The following STAT2 variants were observed in gnomAD, a reference collection of about 807,000 sequenced individuals.
STAT2 encodes signal transducer and activator of transcription 2, also known as interferon alpha induced transcriptional activator.
In STAT2, 51 loss-of-function variants were observed where a neutral mutation model predicts 122.3. That is an observed-to-expected ratio of 0.42 (90% CI 0.33 to 0.53). The LOEUF is 0.53. STAT2 is among the 20% of genes least tolerant of loss of function. The pLI is 0.10. For missense variants in STAT2, 736 were observed against 1,010.3 expected, an observed-to-expected ratio of 0.73 and a Z score of 3.68; for synonymous variants, 351 against 394.9, an observed-to-expected ratio of 0.89 and a Z score of 1.32.
chr12:56,354,016 A>AAAAAAAATATAT (rs71081350), intron 8 of STAT2, among the ~76,000 whole-genome samples: 5 of 16,678 alleles, frequency 3.0e-4, no homozygotes, highest in African/African-American at 3.3e-4. Flanking sequence ...AAAAAAAAAA[A>AAAAAAAATATAT]ATATATATAT....
chr12:56,359,803 A>T (rs11575223), intron 1 of STAT2, among the ~76,000 whole-genome samples: 1 of 152,234 alleles, frequency 6.6e-6, no homozygotes, highest in Non-Finnish European at 1.5e-5. Context: ...AACGTCAGAT[A>T]CCGAACCAAC....
chr12:56,345,512 A>ATATATATATATATAT (rs1216741920), intron 22 of STAT2, among the ~76,000 whole-genome samples: 13 of 28,038 alleles, frequency 4.6e-4, no homozygotes, highest in Non-Finnish European at 7.4e-4. Context: ...AAAAAAAAAA[A>ATATATATATATATAT]AAAAAAAAAA....
Position 56,355,482 on chromosome 12 carries a change from C to T in STAT2, c.432G>A (p.Glu144=). The T allele has an allele frequency of 4.3e-6, 7 of 1,614,170 alleles. No homozygotes were observed. Among genetic ancestry groups the T allele is most frequent in the Non-Finnish European group, 5.9e-6 (7 of 1,180,028 alleles). Residue 144 remains glutamate (E), a synonymous_variant, in exon 5 of 24, where the codon GAG becomes GAA. Transcript: ENST00000314128. ...LETPVESQQH[E]IESRILDLRA... ...TTAAATCCAGGATCCGGGATTCAATCTCATGTTGCTGGCTCTCCACAGGTG... is the reference window on the plus strand; with the variant it reads ...TTAAATCCAGGATCCGGGATTCAATTTCATGTTGCTGGCTCTCCACAGGTG...
At chr12:56,354,026 TATATATATATATATAA>T (rs1471511296) in intron 8 of STAT2, among the ~76,000 whole-genome samples, 2 of 57,242 alleles carry the variant, frequency 3.5e-5, no homozygotes, top group Non-Finnish European at 7.0e-5. Context: ...AATATATATA[TATATATATATATATAA>T]AAAATACTGT....
At chr12:56,351,513 C>G in intron 8 of STAT2, 63 bp from the exon 9 acceptor site, 1 of 1,549,538 alleles carries the variant, frequency 6.5e-7, no homozygotes. Flanking sequence ...ATCCAGGTTC[C>G]AAGATCTCTC....
At position 56,343,535 on chromosome 12, in the gene STAT2, G is replaced by A. The variant is rs536003567; in HGVS notation, c.2414-4C>T. The A allele has an allele frequency of 5.2e-5, 84 of 1,612,716 alleles. 1 individual carries two copies. In the South Asian group the frequency reaches 8.6e-4, roughly 16 times the overall value. On this transcript the variant is annotated splice_polypyrimidine_tract_variant and splice_region_variant and intron_variant, in intron 23 of 23. Coordinates refer to ENST00000314128, the MANE Select transcript of STAT2 (RefSeq NM_005419.4). ...ATCTTTACACAGTTTCTGAAGACTA[G>A]GTAATCCAGAGAGAAAAGTGAGGCC...
intron 16 of STAT2, 51 bp downstream of exon 16, chr12:56,349,112 G>A: frequency 1.2e-6 from 2 of 1,613,896 alleles, no homozygotes; most frequent in Non-Finnish European, 1.7e-6. Context: ...ATCACACCAA[G>A]CTTCCACACC....
At position 56,355,758 on chromosome 12, in the gene STAT2, G is replaced by T; in HGVS notation, c.331C>A (p.Leu111Ile). ...PTQLAEMIFN[L>I]LLEEKRILIQ... The stretch of plus-strand genomic sequence containing the variant: ...AAAATTCTTTTTTCTTCCAGAAGGA[G>T]GTTAAAGATCATCTCAGCCAACTGG... Residue 111 changes from leucine to isoleucine, a missense_variant, in exon 4 of 24, where the codon CTC becomes ATC. Leu to Ile is a conservative substitution (Grantham distance 5). Coordinates refer to ENST00000314128, the MANE Select transcript of STAT2 (RefSeq NM_005419.4). The T allele has an allele frequency of 1.9e-6, 3 of 1,614,120 alleles. No individual in the cohort carries two copies. Among genetic ancestry groups the T allele is most frequent in the Non-Finnish European group, 1.7e-6 (2 of 1,180,036 alleles).
At position 56,342,019 on chromosome 12, in the gene STAT2, G is replaced by A. The variant is rs1876659406; in HGVS notation, c.*1370C>T. On this transcript the variant is annotated 3_prime_UTR_variant, in exon 24 of 24. Transcript: ENST00000314128. ...ATACTATAAAAAAGAAATTCCTGCT[G>A]GGAACAGTGGCTCACGCCTGTAATC... The A allele has an allele frequency of 6.6e-6, 1 of 152,252 alleles. No individual in the cohort carries two copies. Among genetic ancestry groups the A allele is most frequent in the African/African-American group, 2.4e-5 (1 of 41,434 alleles). The allele number at this position is 152,252 out of a possible 1,614,324, so 9.4% of individuals were successfully genotyped here.
At chr12:56,354,116 A>T (rs1879129651) in intron 8 of STAT2, among the ~76,000 whole-genome samples, 1 of 141,350 alleles carries the variant, frequency 7.1e-6, no homozygotes, top group Non-Finnish European at 1.5e-5. Flanking sequence ...ATTTTTGTTT[A>T]ATAAGCTAGG....
chr12:56,348,787 C>T lies in STAT2; in HGVS notation c.1594G>A (p.Glu532Lys). 6.2e-7 allele frequency: 1 copy of T among 1,614,176 alleles called. No homozygotes were observed. The highest frequency in any genetic ancestry group is 8.5e-7 in the Non-Finnish European group (1 of 1,180,028). The change falls in exon 18 of 24, where the codon GAG (glutamate) becomes AAG (lysine). Residue 532 changes from glutamate to lysine, a missense_variant. Coordinates refer to ENST00000314128, the MANE Select transcript of STAT2 (RefSeq NM_005419.4). ...TCAGCCCAGGACAATAATGGATCCTCAGTCCTACAGTTCTGCCCTGTGGGA... is the reference window on the plus strand; with the variant it reads ...TCAGCCCAGGACAATAATGGATCCTTAGTCCTACAGTTCTGCCCTGTGGGA... ...NKLFGQNCRT[E>K]DPLLSWADFT...
Position 56,349,520 on chromosome 12 carries a change from C to G in STAT2, c.1258-11G>C. Reference sequence around the variant, plus strand: ...CACACCTAGTGGCCCCTGGGACAGCCAAAGACATAGTCATCAGAAGGCTCT... The same window carrying G: ...CACACCTAGTGGCCCCTGGGACAGCGAAAGACATAGTCATCAGAAGGCTCT... On this transcript the variant is annotated splice_polypyrimidine_tract_variant and intron_variant, in intron 14 of 23. Coordinates refer to ENST00000314128, the MANE Select transcript of STAT2 (RefSeq NM_005419.4). 1.2e-6 allele frequency: 2 copies of G among 1,614,186 alleles called. No homozygotes were observed. The highest frequency in any genetic ancestry group is 1.7e-6 in the Non-Finnish European group (2 of 1,180,028).
intron 20 of STAT2, 80 bp from the exon 21 acceptor site, chr12:56,346,704 C>G: frequency 6.2e-7 from 1 of 1,601,664 alleles, no homozygotes; most frequent in South Asian, 1.1e-5. Context: ...TGCCCAGTCC[C>G]AAACCAGCTG....
In STAT2 at chr12:56,349,042, G is replaced by A; in HGVS notation, c.1458C>T (p.Ser486=). ...AGCTCCAGGGGGCCTTGGGGGGGTT[G>A]GAGAAGAACTGCTGGTTCTGCAGGG... The part of the protein sequence containing the change: ...SPNLQNQQFF[S]NPPKAPWSLL... The change falls in exon 17 of 24, where the codon TCC becomes TCT. Residue 486 remains serine, a synonymous_variant. Transcript: ENST00000314128. 1 of 1,613,474 alleles carries A rather than the reference G, an allele frequency of 6.2e-7. No individual in the cohort carries two copies. The highest frequency in any genetic ancestry group is 8.5e-7 in the Non-Finnish European group (1 of 1,179,660).
At chr12:56,359,245 T>C (rs1182245404) in intron 1 of STAT2, among the ~76,000 whole-genome samples, 2 of 152,162 alleles carry the variant, frequency 1.3e-5, no homozygotes, top group East Asian at 1.9e-4. Flanking sequence ...AAACTATGTA[T>C]CTGTATTGCT....
chr12:56,345,792 A>G (rs1877361102), intron 22 of STAT2, among the ~76,000 whole-genome samples: 1 of 151,668 alleles, frequency 6.6e-6, no homozygotes, highest in Admixed American at 6.6e-5. Context: ...TGTCTGGAAA[A>G]AAAAAAAGCT....
At chr12:56,359,397 T>C (rs533808763) in intron 1 of STAT2, among the ~76,000 whole-genome samples, 2 of 150,242 alleles carry the variant, frequency 1.3e-5, no homozygotes, top group African/African-American at 2.4e-5. Context: ...TTGAGCAACA[T>C]AGTGAGATTC....
intron 8 of STAT2, chr12:56,352,371 T>TTGTG (rs1565655623): frequency 1.5e-3 from 44 of 28,500 alleles, no homozygotes; most frequent in Admixed American, 2.3e-3. Flanking sequence ...TTTTTTTTTT[T>TTGTG]GGTGGGGGTG....
intron 19 of STAT2, among the ~76,000 whole-genome samples, chr12:56,348,086 T>TG (rs1250033314): frequency 2.0e-5 from 3 of 146,396 alleles, no homozygotes; most frequent in African/African-American, 7.4e-5. Flanking sequence ...TATTATTGGT[T>TG]GTTTTTTTTT....
Sources: allele counts gnomAD v4.1 joint callset (sites outside exome capture counted in the v4.1 genomes callset), GRCh38; gene constraint gnomAD v4.1.1; transcripts MANE v1.5; gene names NCBI Gene and HGNC (gene_info 2026-07-23, HGNC 2026-07-21).